AOAH: variants seen among roughly 807,000 people sequenced by gnomAD.
AOAH encodes the protein acyloxyacyl hydrolase.
Under a neutral mutation model 92.2 loss-of-function variants are expected in AOAH, and 64 were observed. The ratio of observed to expected loss-of-function variants is 0.69; its 90% CI spans 0.57 to 0.86. AOAH has a LOEUF of 0.86. AOAH is among the 40% of genes least tolerant of loss of function. The pLI is 0.00. For missense variants in AOAH, 656 were observed against 694.6 expected (o/e 0.94, Z 0.62); for synonymous variants, 263 against 254.5 (o/e 1.03, Z -0.32).
intron 1 of AOAH, among the ~76,000 whole-genome samples, chr7:36,699,231 T>C (rs537948256): frequency 1.3e-5 from 2 of 152,276 alleles, no homozygotes; most frequent in South Asian, 4.1e-4. Context: ...GTTGAGTTCA[T>C]ATTTTGGCTA....
Position 36,549,490 on chromosome 7 carries a change from T to A in AOAH, c.1022-15A>T. 1.3e-6 allele frequency: 2 copies of A among 1,557,002 alleles called. No homozygotes were observed. The highest frequency in any genetic ancestry group is 1.8e-6 in the Non-Finnish European group (2 of 1,136,544). On this transcript the variant is annotated splice_polypyrimidine_tract_variant and intron_variant, in intron 13 of 20. Coordinates refer to ENST00000617537, the MANE Select transcript of AOAH (RefSeq NM_001637.4). Reference sequence around the variant, plus strand: ...GGAAGATGCACCTGAATAATTAAAATTAAGAAAACAATTAAAGTTAGTGAG... The same window carrying A: ...GGAAGATGCACCTGAATAATTAAAAATAAGAAAACAATTAAAGTTAGTGAG...
At chr7:36,528,553 C>T (rs1784519849) in intron 19 of AOAH, among the ~76,000 whole-genome samples, 1 of 152,180 alleles carries the variant, frequency 6.6e-6, no homozygotes, top group South Asian at 2.1e-4. Context: ...ATGACTGACC[C>T]AGCTCTTAAT....
intron 4 of AOAH, among the ~76,000 whole-genome samples, chr7:36,638,312 C>T (rs1335377861): frequency 6.6e-5 from 10 of 152,174 alleles, no homozygotes. Flanking sequence ...TCTAAAACCC[C>T]CCAGCAGGAG....
chr7:36,662,315 G>C (rs1399566784), intron 3 of AOAH, among the ~76,000 whole-genome samples: 1 of 152,216 alleles, frequency 6.6e-6, no homozygotes, highest in Non-Finnish European at 1.5e-5. Context: ...TGAGTTAAGA[G>C]GGAAATGCAG....
At chr7:36,661,797 ACTCTC>A (rs1186626985) in intron 3 of AOAH, among the ~76,000 whole-genome samples, 1 of 151,316 alleles carries the variant, frequency 6.6e-6, no homozygotes, top group Non-Finnish European at 1.5e-5. Flanking sequence ...TGCTCCCTTC[ACTCTC>A]CTCTCTGCTT....
At chr7:36,649,900 T>C (rs1321701842) in intron 4 of AOAH, among the ~76,000 whole-genome samples, 1 of 152,238 alleles carries the variant, frequency 6.6e-6, no homozygotes, top group Non-Finnish European at 1.5e-5. Context: ...CCATTGTTCC[T>C]GCATGGCTAA....
chr7:36,537,506 GT>G (rs67918250), intron 16 of AOAH, among the ~76,000 whole-genome samples: 57,710 of 134,790 alleles, frequency 0.43, 11,789 homozygotes, highest in Admixed American at 0.52. Context: ...CACCCCTCTT[GT>G]TTTTTTTTTT....
chr7:36,552,051 A>T (rs1318826536), intron 13 of AOAH, among the ~76,000 whole-genome samples: 1 of 151,970 alleles, frequency 6.6e-6, no homozygotes, highest in Non-Finnish European at 1.5e-5. Flanking sequence ...AATTTTCTTT[A>T]TTTTTTATTT....
intron 15 of AOAH, among the ~76,000 whole-genome samples, chr7:36,541,685 C>A (rs1785435915): frequency 2.0e-5 from 3 of 152,122 alleles, no homozygotes; most frequent in African/African-American, 7.2e-5. Flanking sequence ...GCACATGTAC[C>A]CCCATATCTA....
At chr7:36,694,892 G>C (rs1209066016) in intron 1 of AOAH, among the ~76,000 whole-genome samples, 1 of 152,170 alleles carries the variant, frequency 6.6e-6, no homozygotes, top group Non-Finnish European at 1.5e-5. Context: ...AAAGAGGATA[G>C]ACAGATGATG....
intron 14 of AOAH, 45 bp downstream of exon 14, chr7:36,549,394 A>T (rs545103372): frequency 6.9e-7 from 1 of 1,458,374 alleles, no homozygotes; most frequent in East Asian, 2.3e-5. Flanking sequence ...TTCCTTATTC[A>T]AAATGAGAAA....
At chr7:36,546,876 A>G (rs1029592886) in intron 15 of AOAH, among the ~76,000 whole-genome samples, 1 of 152,156 alleles carries the variant, frequency 6.6e-6, no homozygotes, top group Admixed American at 6.5e-5. Flanking sequence ...CATTGTATCC[A>G]TATCCTAGAG....
chr7:36,724,291 T>C lies in AOAH; in HGVS notation c.-143A>G, dbSNP rs767688351. The C allele has an allele frequency of 3.4e-6, 3 of 870,820 alleles. No individual in the cohort carries two copies. Among genetic ancestry groups the C allele is most frequent in the South Asian group, 1.6e-5 (1 of 63,902 alleles). The allele number at this position is 870,820 out of a possible 1,614,324, so 53.9% of individuals were successfully genotyped here. On this transcript the variant is annotated 5_prime_UTR_variant, in exon 1 of 21. It removes an upstream start codon present in the reference 5' UTR. Transcript: ENST00000617537. Reference sequence around the variant, plus strand: ...GACACACACACCCCACCCTCTCACATACACACTTTTCAATAAGTGTGAAGT... The same window carrying C: ...GACACACACACCCCACCCTCTCACACACACACTTTTCAATAAGTGTGAAGT...
chr7:36,632,730 G>A (rs1793217440), intron 5 of AOAH, among the ~76,000 whole-genome samples: 1 of 152,224 alleles, frequency 6.6e-6, no homozygotes, highest in Admixed American at 6.5e-5. Flanking sequence ...CAATAGGGTA[G>A]AAAAGTGAGG....
rs1787006002 is a variant in AOAH, at chr7:36,558,642, C to A, written c.1022-9167G>T. 1.3e-5 allele frequency among the ~76,000 whole-genome samples: 2 copies of A among 152,246 alleles called. 1 individual carries two copies. ...GTGGGCTCCACCCAGTTCGAGCTTC[C>A]CAGCTGCTTTGTTTACCTAAGCAAG... On this transcript the variant is annotated intron_variant, in intron 13 of 20. Transcript: ENST00000617537.
chr7:36,651,882 TACAC>T (rs1313470548), intron 4 of AOAH, among the ~76,000 whole-genome samples: 1 of 152,214 alleles, frequency 6.6e-6, no homozygotes, highest in South Asian at 2.1e-4. Context: ...CACATCCACA[TACAC>T]ACACACAGAG....
chr7:36,562,742 G>A (rs1411732067), intron 13 of AOAH, among the ~76,000 whole-genome samples: 1 of 152,072 alleles, frequency 6.6e-6, no homozygotes, highest in African/African-American at 2.4e-5. Context: ...TTGGTTCCCT[G>A]GACTCCGCAA....
intron 2 of AOAH, among the ~76,000 whole-genome samples, chr7:36,683,955 C>G (rs1562693600): frequency 6.6e-6 from 1 of 151,606 alleles, no homozygotes; most frequent in South Asian, 2.1e-4. Context: ...GATGGAGCCA[C>G]TGCACTCCAG....
In AOAH at chr7:36,580,134, A is replaced by G. The variant is rs577417350; in HGVS notation, c.939-3478T>C. Among the ~76,000 whole-genome samples, 6 of 152,312 alleles carry G rather than the reference A, an allele frequency of 3.9e-5. No homozygotes were observed. In the South Asian group the frequency reaches 1.2e-3, roughly 32 times the overall value. On this transcript the variant is annotated intron_variant, in intron 12 of 20. Coordinates refer to ENST00000617537, the MANE Select transcript of AOAH (RefSeq NM_001637.4). ...TTTGATAAACCCTTTCAACTTGGAA[A>G]TTCATGATGTTCAGTTTTGAGAGAT... is the stretch of plus-strand genomic sequence containing the variant.
Sources: allele counts gnomAD v4.1 joint callset (sites outside exome capture counted in the v4.1 genomes callset), GRCh38; gene constraint gnomAD v4.1.1; transcripts MANE v1.5; gene names NCBI Gene and HGNC (gene_info 2026-07-23, HGNC 2026-07-21).